SHISA9: variants seen among roughly 807,000 people sequenced by gnomAD.
SHISA9 encodes shisa family member 9.
SHISA9 carries 13 observed loss-of-function variants against 38.0 expected under a neutral mutation model. That is an observed-to-expected ratio of 0.34 (90% CI 0.22 to 0.54). The LOEUF is 0.54. Among genes scored for constraint, SHISA9 ranks in the 20% least tolerant of loss-of-function variants. SHISA9 has a pLI of 0.91. For synonymous variants in SHISA9, 275 were observed against 242.0 expected, an observed-to-expected ratio of 1.14 and a Z score of -1.27; for missense variants, 538 against 575.8, an observed-to-expected ratio of 0.93 and a Z score of 0.67.
chr16:12,903,349 C>G (rs944410908), intron 1 of SHISA9, among the ~76,000 whole-genome samples: 6 of 152,198 alleles, frequency 3.9e-5, no homozygotes, highest in Admixed American at 2.6e-4. Context: ...CTGGCGTGGA[C>G]TCCGGGGGCC....
At chr16:12,919,989 C>A (rs1448128077) in intron 2 of SHISA9, among the ~76,000 whole-genome samples, 1 of 152,230 alleles carries the variant, frequency 6.6e-6, no homozygotes, top group African/African-American at 2.4e-5. Context: ...TGCACCCCGA[C>A]TTCCCTGACT....
At chr16:13,135,270 A>C (rs1399321146) in intron 2 of SHISA9, among the ~76,000 whole-genome samples, 3 of 152,230 alleles carry the variant, frequency 2.0e-5, no homozygotes, top group Non-Finnish European at 1.5e-5. Flanking sequence ...CTCTATTCAA[A>C]TACCAATAGT....
intron 2 of SHISA9, among the ~76,000 whole-genome samples, chr16:12,950,814 T>C (rs1000297545): frequency 7.2e-5 from 11 of 151,914 alleles, no homozygotes; most frequent in African/African-American, 2.4e-4. Flanking sequence ...TTTGCCATGT[T>C]GGCCAGGATG....
At chr16:13,352,170 A>T in the SHISA9 span, among the ~76,000 whole-genome samples, 1 of 152,202 alleles carries the variant, frequency 6.6e-6, no homozygotes, top group African/African-American at 2.4e-5. Context: ...CCAACTTCTT[A>T]TATCTCCTTT....
At chr16:13,019,201 T>C (rs538203336) in intron 2 of SHISA9, among the ~76,000 whole-genome samples, 1 of 152,246 alleles carries the variant, frequency 6.6e-6, no homozygotes, top group South Asian at 2.1e-4. Context: ...GGTTTCACCA[T>C]GTTGGCCAGG....
chr16:13,247,244 C>G, the SHISA9 span, among the ~76,000 whole-genome samples: 1 of 152,108 alleles, frequency 6.6e-6, no homozygotes, highest in African/African-American at 2.4e-5. Flanking sequence ...GATCTAGTCA[C>G]CTCCCACCAG....
At chr16:13,277,187 T>C in the SHISA9 span, among the ~76,000 whole-genome samples, 1 of 152,134 alleles carries the variant, frequency 6.6e-6, no homozygotes, top group African/African-American at 2.4e-5. Flanking sequence ...TTCCCCACTT[T>C]ATGATTCTAT....
chr16:13,217,599 A>G (rs1001492799), intron 4 of SHISA9, among the ~76,000 whole-genome samples: 3 of 152,172 alleles, frequency 2.0e-5, no homozygotes, highest in Non-Finnish European at 2.9e-5. Flanking sequence ...TACTCTCTGT[A>G]GGTTTTGCAC....
At chr16:13,352,694 A>G in the SHISA9 span, among the ~76,000 whole-genome samples, 1 of 16,280 alleles carries the variant, frequency 6.1e-5, no homozygotes, top group Admixed American at 6.3e-4. Context: ...CAGCGAAGGG[A>G]GATAAGGGGG....
the SHISA9 span, among the ~76,000 whole-genome samples, chr16:13,557,510 T>C: frequency 1.3e-5 from 2 of 152,060 alleles, no homozygotes; most frequent in African/African-American, 2.4e-5. Flanking sequence ...CAAGATTAAT[T>C]TGGGGGCGAG....
Position 13,210,754 on chromosome 16 carries a change from G to A in SHISA9, c.848-2499G>A, listed in dbSNP as rs139248146. Among the ~76,000 whole-genome samples, 9 of 152,238 alleles carry A rather than the reference G, an allele frequency of 5.9e-5. No homozygotes were observed. In the East Asian group the frequency reaches 1.7e-3, roughly 29 times the overall value. On this transcript the variant is annotated intron_variant, in intron 3 of 4. Transcript: ENST00000558583. ...TCAGTACCCCCCGTTTTGCAGATGG[G>A]GAAACAAGCTTAGCATAGTTATTTC... is the stretch of plus-strand genomic sequence containing the variant.
chr16:13,301,344 T>G, the SHISA9 span, among the ~76,000 whole-genome samples: 1 of 152,200 alleles, frequency 6.6e-6, no homozygotes, highest in East Asian at 1.9e-4. Flanking sequence ...AAAATGTAGT[T>G]TCTGATTCAC....
chr16:13,547,341 G>T, the SHISA9 span, among the ~76,000 whole-genome samples: 1 of 152,110 alleles, frequency 6.6e-6, no homozygotes, highest in African/African-American at 2.4e-5. Flanking sequence ...GGAGAAAACA[G>T]AACCAATAAC....
At chr16:13,490,784 G>A in the SHISA9 span, among the ~76,000 whole-genome samples, 1 of 152,144 alleles carries the variant, frequency 6.6e-6, no homozygotes. Context: ...GGTGCTGATC[G>A]GCCAACTGAC....
At chr16:12,934,777 C>A (rs1165309568) in intron 2 of SHISA9, among the ~76,000 whole-genome samples, 5 of 152,178 alleles carry the variant, frequency 3.3e-5, no homozygotes, top group Non-Finnish European at 5.9e-5. Flanking sequence ...TCTGTACCCT[C>A]ATCTCTCTCA....
chr16:13,198,094 A>G (rs890860200), intron 2 of SHISA9, among the ~76,000 whole-genome samples: 2 of 152,124 alleles, frequency 1.3e-5, no homozygotes, highest in Admixed American at 6.6e-5. Context: ...CTGAGGCAGG[A>G]GAATCACTTG....
At chr16:13,314,686 T>C in the SHISA9 span, among the ~76,000 whole-genome samples, 1 of 152,174 alleles carries the variant, frequency 6.6e-6, no homozygotes, top group African/African-American at 2.4e-5. Context: ...CATAGATACA[T>C]CCATCATATC....
intron 2 of SHISA9, among the ~76,000 whole-genome samples, chr16:13,135,218 G>T (rs2050338737): frequency 6.6e-6 from 1 of 152,182 alleles, no homozygotes; most frequent in Non-Finnish European, 1.5e-5. Context: ...ATTGTGAGGA[G>T]CAAATGTATC....
chr16:13,277,711 G>C, the SHISA9 span, among the ~76,000 whole-genome samples: 2 of 151,074 alleles, frequency 1.3e-5, no homozygotes, highest in Admixed American at 6.6e-5. Flanking sequence ...TTCTTGATTT[G>C]ATTCTCCACT....
Sources: allele counts gnomAD v4.1 joint callset (sites outside exome capture counted in the v4.1 genomes callset), GRCh38; gene constraint gnomAD v4.1.1; transcripts MANE v1.5; gene names NCBI Gene and HGNC (gene_info 2026-07-23, HGNC 2026-07-21).